PIAS4: variants seen among roughly 807,000 people sequenced by gnomAD.
PIAS4 encodes the protein E3 SUMO-protein ligase PIAS4.
Under a neutral mutation model 58.0 loss-of-function variants are expected in PIAS4, and 7 were observed. The ratio of observed to expected loss-of-function variants is 0.12; its 90% CI spans 0.07 to 0.23. PIAS4 has a LOEUF of 0.23. Ranked by LOEUF, PIAS4 falls within the 10% of genes least tolerant of loss-of-function variation. PIAS4 has a pLI of 1.00. For synonymous variants in PIAS4, 364 were observed against 312.4 expected (o/e 1.17, Z -1.74); for missense variants, 550 against 709.5 (o/e 0.78, Z 2.55).
At chr19:4,007,874 G>A in intron 1 of PIAS4, 87 bp downstream of exon 1, 1 of 1,062,886 alleles carries the variant, frequency 9.4e-7, no homozygotes, top group Non-Finnish European at 1.2e-6. Flanking sequence ...CCTTCTGTCC[G>A]GGGCCCCACA....
intron 3 of PIAS4, among the ~76,000 whole-genome samples, 198 bp downstream of exon 3, chr19:4,024,318 C>T (rs2040141070): frequency 6.6e-6 from 1 of 152,258 alleles, no homozygotes; most frequent in South Asian, 2.1e-4. Flanking sequence ...CCTGTGTGCC[C>T]ACTGCCTGTG....
rs776166388 is a variant in PIAS4 at position 4,037,692 on chromosome 19, C to T, written c.1350C>T (p.Gly450=). ...GSGALGSTGG[G]GPVGSMENGK... is the part of the protein sequence containing the mutation. Reference sequence around the variant, plus strand: ...GTGCCCTGGGCAGCACGGGTGGCGGCGGCCCGGTGGGCAGCATGGAGAATG... The same window carrying T: ...GTGCCCTGGGCAGCACGGGTGGCGGTGGCCCGGTGGGCAGCATGGAGAATG... Residue 450 remains glycine, a synonymous_variant, in exon 11 of 11, where the codon GGC becomes GGT. Transcript: ENST00000262971. The surrounding 1 kb of genome is among the most constrained non-coding windows in gnomAD (Gnocchi z 5.8). The T allele has an allele frequency of 2.7e-5, 43 of 1,611,688 alleles. No homozygotes were observed. Among genetic ancestry groups the T allele is most frequent in the Non-Finnish European group, 3.6e-5 (42 of 1,179,576 alleles).
At position 4,013,335 on chromosome 19, in the gene PIAS4, A is replaced by T; in HGVS notation, c.440A>T (p.Lys147Met). 3 of 1,612,462 alleles carry T rather than the reference A, an allele frequency of 1.9e-6. No homozygotes were observed. The highest frequency in any genetic ancestry group is 2.5e-6 in the Non-Finnish European group (3 of 1,179,548). The stretch of plus-strand genomic sequence containing the variant: ...TTTAATATGCTGGATGAGCTGCTGA[A>T]GCCCACCGAATTAGGTGAGTGGTCA... The part of the protein sequence containing the change: ...PFFNMLDELL[K>M]PTELVPQNNE... The change falls in exon 2 of 11, where the codon AAG (lysine) becomes ATG (methionine). Residue 147 changes from lysine (K) to methionine (M), a missense_variant. By Grantham distance (95) the Lys-to-Met change is moderately conservative. Coordinates refer to ENST00000262971, the MANE Select transcript of PIAS4 (RefSeq NM_015897.4). The surrounding 1 kb of genome is among the most constrained non-coding windows in gnomAD (Gnocchi z 5.1).
At chr19:4,036,264 CACAT>C (rs2040283795) in intron 9 of PIAS4, among the ~76,000 whole-genome samples, 1 of 89,110 alleles carries the variant, frequency 1.1e-5, no homozygotes, top group Non-Finnish European at 2.7e-5. Flanking sequence ...CACATGCACA[CACAT>C]CTATATGGTC....
rs2040337773 is a variant in PIAS4 at position 4,039,361 on chromosome 19, A to G, written c.*1486A>G. On this transcript the variant is annotated 3_prime_UTR_variant, in exon 11 of 11. Coordinates refer to ENST00000262971, the MANE Select transcript of PIAS4 (RefSeq NM_015897.4). ...TAATTTAATTGTTTTTAAAAAATGC[A>G]AATAAAAAAGGTCGAGGTGAAGCCA... The G allele has an allele frequency of 6.6e-6, 1 of 152,236 alleles. No individual in the cohort carries two copies. The highest frequency in any genetic ancestry group is 2.1e-4 in the South Asian group (1 of 4,834). The allele number at this position is 152,236 out of a possible 1,614,324, so 9.4% of individuals were successfully genotyped here.
intron 1 of PIAS4, 121 bp downstream of exon 1, chr19:4,007,908 G>T: frequency 1.4e-6 from 1 of 724,134 alleles, no homozygotes; most frequent in Non-Finnish European, 1.9e-6. Flanking sequence ...GCGGCTCGCC[G>T]TCCCGGCCCC....
intron 9 of PIAS4, among the ~76,000 whole-genome samples, chr19:4,036,923 TGCTC>T (rs889563174): frequency 2.6e-5 from 4 of 151,348 alleles, no homozygotes; most frequent in East Asian, 2.0e-4. Flanking sequence ...TGTGTACACA[TGCTC>T]ACACACACAC....
rs957155437 is a variant in PIAS4 at position 4,027,714 on chromosome 19, C to G, written c.540-432C>G. Among the ~76,000 whole-genome samples, 3 of 152,092 alleles carry G rather than the reference C, an allele frequency of 2.0e-5. No homozygotes were observed. In the East Asian group the frequency reaches 5.8e-4, roughly 29 times the overall value. On this transcript the variant is annotated intron_variant, in intron 3 of 10. Coordinates refer to ENST00000262971, the MANE Select transcript of PIAS4 (RefSeq NM_015897.4). ...AGCTGGGACCACAGGTGTGCACCAC[C>G]ACGCCTGGGTAATTTTTTGTGGAGA... is the stretch of plus-strand genomic sequence containing the variant.
At chr19:4,011,702 G>T (rs1324862954) in intron 1 of PIAS4, among the ~76,000 whole-genome samples, 11 of 123,666 alleles carry the variant, frequency 8.9e-5, no homozygotes, top group African/African-American at 3.2e-4. Context: ...GGGTGTGGAG[G>T]TGTGTGGGGT....
chr19:4,016,943 G>A (rs2040058782), intron 2 of PIAS4, among the ~76,000 whole-genome samples: 1 of 152,160 alleles, frequency 6.6e-6, no homozygotes, highest in Non-Finnish European at 1.5e-5. Context: ...CGCCCCTGAG[G>A]TTCTGGTATG....
At chr19:4,035,477 C>T (rs1408072119) in intron 9 of PIAS4, among the ~76,000 whole-genome samples, 1 of 152,154 alleles carries the variant, frequency 6.6e-6, no homozygotes, top group Non-Finnish European at 1.5e-5. Context: ...CTTCCCGAGC[C>T]TCTGTTTCTG....
intron 9 of PIAS4, among the ~76,000 whole-genome samples, chr19:4,036,984 C>T (rs764209568): frequency 1.4e-4 from 21 of 152,206 alleles, no homozygotes; most frequent in South Asian, 2.1e-4. Context: ...CGCACATGCT[C>T]GCACACATGC....
In PIAS4 at chr19:4,029,043, A is replaced by G; in HGVS notation, c.907+7A>G. ...GAGCTGTGCAAGGCACTGGGTGAGC[A>G]GCTCAGGCCACCTCGGCCGAGGGGT... On this transcript the variant is annotated splice_region_variant and intron_variant, in intron 7 of 10. Coordinates refer to ENST00000262971, the MANE Select transcript of PIAS4 (RefSeq NM_015897.4). 1 of 1,587,856 alleles carries G rather than the reference A, an allele frequency of 6.3e-7. No homozygotes were observed. The highest frequency in any genetic ancestry group is 8.6e-7 in the Non-Finnish European group (1 of 1,165,152).
At chr19:4,028,245 C>A in intron 4 of PIAS4, 58 bp downstream of exon 4, 1 of 1,468,860 alleles carries the variant, frequency 6.8e-7, no homozygotes. Context: ...CGCCCCTCCC[C>A]GCCCCCCAGT....
chr19:4,026,769 G>T (rs112435361), intron 3 of PIAS4, among the ~76,000 whole-genome samples: 13,876 of 152,112 alleles, frequency 0.091, 2,118 homozygotes, highest in African/African-American at 0.32. Context: ...TGCAATCTCC[G>T]CCTCCCAGGT....
intron 2 of PIAS4, among the ~76,000 whole-genome samples, chr19:4,014,167 G>A (rs548848039): frequency 1.2e-4 from 18 of 152,270 alleles, no homozygotes; most frequent in Admixed American, 3.3e-4. Flanking sequence ...GGTTCAGGGC[G>A]ATCCCAGGCG....
At chr19:4,014,748 C>G (rs1248367593) in intron 2 of PIAS4, among the ~76,000 whole-genome samples, 1 of 152,204 alleles carries the variant, frequency 6.6e-6, no homozygotes, top group East Asian at 1.9e-4. Context: ...GAGGGCCCTT[C>G]TCTGGCACGC....
rs2040328687 is a variant in PIAS4 at position 4,038,560 on chromosome 19, CCCGGCGTGTGGTCAGGA to C, written c.*686_*702del. On this transcript the variant is annotated 3_prime_UTR_variant, in exon 11 of 11. Coordinates refer to ENST00000262971, the MANE Select transcript of PIAS4 (RefSeq NM_015897.4). This position sits in a 1 kb window ranked among gnomAD's most constrained non-coding sequence, Gnocchi z 4.1. ...GTGCAATAATTTGGTATTTTGAAGACCCGGCGTGTGGTCAGGAACCCCCGGGGAAGGCGGGGGCCCAG... is the reference window on the plus strand; with the variant it reads ...GTGCAATAATTTGGTATTTTGAAGACACCCCCGGGGAAGGCGGGGGCCCAG... 6.6e-6 allele frequency: 1 copy of C among 152,188 alleles called. No homozygotes were observed. The allele number at this position is 152,188 out of a possible 1,614,324, so 9.4% of individuals were successfully genotyped here. A position where few individuals can be genotyped will look rare whatever the true frequency, so the allele number is the denominator to read the frequency against.
intron 2 of PIAS4, among the ~76,000 whole-genome samples, chr19:4,022,413 G>A (rs375267345): frequency 1.3e-5 from 2 of 152,014 alleles, no homozygotes; most frequent in East Asian, 1.9e-4. Flanking sequence ...GCAGTGGCAC[G>A]ATCTTGGCTC....
Sources: allele counts gnomAD v4.1 joint callset (sites outside exome capture counted in the v4.1 genomes callset), GRCh38; gene constraint gnomAD v4.1.1; non-coding constraint Gnocchi (gnomAD v3.1); transcripts MANE v1.5; gene names NCBI Gene and HGNC (gene_info 2026-07-23, HGNC 2026-07-21).